Variants in ENOX1 observed in about 807,000 individuals in gnomAD.
ENOX1 encodes candidate growth-related and time keeping constitutive hydroquinone (NADH) oxidase.
ENOX1 carries 42 observed loss-of-function variants against 82.5 expected under a neutral mutation model. That is an observed-to-expected ratio of 0.51 (90% confidence interval 0.40 to 0.66). The LOEUF (loss-of-function observed/expected upper bound fraction) is 0.66. Ranked by LOEUF, ENOX1 falls within the 30% of genes least tolerant of loss-of-function variation. The pLI, the probability that ENOX1 is intolerant of heterozygous loss-of-function variation, is 0.00. For synonymous variants in ENOX1, 271 were observed against 282.2 expected (o/e 0.96, Z 0.40); for missense variants, 608 against 811.6 (o/e 0.75, Z 3.05).
At chr13:43,603,603 G>C (rs1012011278) in intron 2 of ENOX1, among the ~76,000 whole-genome samples, 3 of 144,186 alleles carry the variant, frequency 2.1e-5, no homozygotes, top group African/African-American at 8.0e-5. Context: ...TGTTCTCATT[G>C]TTCAATTCCC....
intron 5 of ENOX1, among the ~76,000 whole-genome samples, chr13:43,399,500 C>G (rs1390202238): frequency 6.6e-6 from 1 of 152,196 alleles, no homozygotes; most frequent in Non-Finnish European, 1.5e-5. Flanking sequence ...AGAAAGTCAT[C>G]CAAGGTCACT....
intron 14 of ENOX1, among the ~76,000 whole-genome samples, chr13:43,247,033 G>T (rs1020058126): frequency 1.3e-5 from 2 of 152,098 alleles, no homozygotes; most frequent in African/African-American, 2.4e-5. Context: ...TAGAAGTATT[G>T]CCTCTAGGCT....
intron 2 of ENOX1, among the ~76,000 whole-genome samples, chr13:43,513,864 C>T (rs1024208668): frequency 9.2e-5 from 14 of 152,116 alleles, no homozygotes; most frequent in Non-Finnish European, 1.3e-4. Flanking sequence ...ATATAGGTTT[C>T]AAAGAAATAT....
At chr13:43,422,763 C>A (rs977827559) in intron 3 of ENOX1, among the ~76,000 whole-genome samples, 1 of 151,862 alleles carries the variant, frequency 6.6e-6, no homozygotes, top group African/African-American at 2.4e-5. Context: ...TCTTTTGGCA[C>A]AAAGAAAAAT....
At chr13:43,568,907 T>C (rs2080045521) in intron 2 of ENOX1, among the ~76,000 whole-genome samples, 1 of 152,126 alleles carries the variant, frequency 6.6e-6, no homozygotes, top group Non-Finnish European at 1.5e-5. Flanking sequence ...AGGCTGAGCA[T>C]GGTGAGAAAG....
intron 1 of ENOX1, among the ~76,000 whole-genome samples, chr13:43,779,756 C>T (rs1952142911): frequency 6.6e-6 from 1 of 152,194 alleles, no homozygotes; most frequent in African/African-American, 2.4e-5. Flanking sequence ...TTCTGCCCTG[C>T]TCTCCATACC....
intron 3 of ENOX1, among the ~76,000 whole-genome samples, chr13:43,473,505 A>C (rs1415817109): frequency 6.6e-6 from 1 of 152,198 alleles, no homozygotes; most frequent in Non-Finnish European, 1.5e-5. Context: ...GTTTGCCTAT[A>C]GTATTTATTC....
chr13:43,608,518 C>A (rs1017046595), intron 2 of ENOX1, among the ~76,000 whole-genome samples: 17 of 152,136 alleles, frequency 1.1e-4, no homozygotes, highest in Non-Finnish European at 2.2e-4. Flanking sequence ...TGAGGGACAT[C>A]ATTCCAAGCC....
At chr13:43,304,364 A>C (rs2209327) in intron 11 of ENOX1, among the ~76,000 whole-genome samples, 145,051 of 152,198 alleles carry the variant, frequency 0.95, 69,543 homozygotes, top group East Asian at 1. Context: ...AAGTGAGTTT[A>C]TGGGAGACAG....
chr13:43,500,670 A>C (rs568371293), intron 2 of ENOX1, among the ~76,000 whole-genome samples: 9 of 152,144 alleles, frequency 5.9e-5, no homozygotes, highest in African/African-American at 2.2e-4. Flanking sequence ...AAAGGTAAAT[A>C]CACAGACTAA....
chr13:43,229,902 A>G lies in ENOX1; in HGVS notation c.1715-5764T>C, dbSNP rs144736677. 2.2e-4 allele frequency among the ~76,000 whole-genome samples: 34 copies of G among 152,304 alleles called. No individual in the cohort carries two copies. In the East Asian group the frequency reaches 6.4e-3, roughly 29 times the overall value. On this transcript the variant is annotated intron_variant, in intron 15 of 16. Transcript: ENST00000690772. ...TAGGGCAGGAAAAAGGGGAATCGGG[A>G]GTTCTGTTTTGTCCTCATTAAATTT...
At chr13:43,606,381 C>A (rs528161704) in intron 2 of ENOX1, among the ~76,000 whole-genome samples, 2 of 152,188 alleles carry the variant, frequency 1.3e-5, no homozygotes, top group East Asian at 3.9e-4. Flanking sequence ...CAGCACTATT[C>A]GCAATAGCCA....
At chr13:43,618,910 C>A (rs2082600555) in intron 2 of ENOX1, among the ~76,000 whole-genome samples, 1 of 150,766 alleles carries the variant, frequency 6.6e-6, no homozygotes, top group Admixed American at 6.6e-5. Flanking sequence ...TCTATTATTT[C>A]TTTCAGCCAT....
At chr13:43,309,713 G>A (rs557447889) in intron 11 of ENOX1, among the ~76,000 whole-genome samples, 48 of 152,188 alleles carry the variant, frequency 3.2e-4, no homozygotes, top group Non-Finnish European at 3.8e-4. Context: ...TAAACTGTCT[G>A]GATGGATAAA....
At chr13:43,567,525 A>C (rs920179629) in intron 2 of ENOX1, among the ~76,000 whole-genome samples, 2 of 152,168 alleles carry the variant, frequency 1.3e-5, no homozygotes, top group African/African-American at 4.8e-5. Context: ...AACTGGCTGA[A>C]ATGATTAACT....
At chr13:43,590,571 G>A (rs537940195) in intron 2 of ENOX1, among the ~76,000 whole-genome samples, 7 of 151,840 alleles carry the variant, frequency 4.6e-5, no homozygotes, top group East Asian at 3.9e-4. Flanking sequence ...TCAGGAGATC[G>A]AGACCATTGT....
At chr13:43,451,948 G>A (rs771695486) in intron 3 of ENOX1, among the ~76,000 whole-genome samples, 36 of 152,140 alleles carry the variant, frequency 2.4e-4, no homozygotes, top group Admixed American at 1.0e-3. Flanking sequence ...GAGAAAAAGG[G>A]GAGAGCAGAC....
intron 1 of ENOX1, among the ~76,000 whole-genome samples, chr13:43,762,986 T>C (rs930295841): frequency 1.3e-5 from 2 of 152,124 alleles, no homozygotes; most frequent in Non-Finnish European, 2.9e-5. Flanking sequence ...TTAACTCTCT[T>C]TATTAATGGT....
intron 9 of ENOX1, among the ~76,000 whole-genome samples, chr13:43,338,663 A>G (rs1260815599): frequency 2.7e-5 from 4 of 150,692 alleles, no homozygotes; most frequent in Admixed American, 6.6e-5. Context: ...ATACTCCCCA[A>G]AATTCAGGTT....
Sources: allele counts gnomAD v4.1 joint callset (sites outside exome capture counted in the v4.1 genomes callset), GRCh38; gene constraint gnomAD v4.1.1; transcripts MANE v1.5; gene names NCBI Gene and HGNC (gene_info 2026-07-23, HGNC 2026-07-21).